Variants in MOSMO observed in about 807,000 individuals in gnomAD.
The protein encoded by MOSMO is modulator of smoothened protein.
MOSMO carries 5 observed loss-of-function variants against 18.4 expected under a neutral mutation model. The ratio of observed to expected loss-of-function variants is 0.27; its 90% CI spans 0.14 to 0.57. The LOEUF is 0.57. MOSMO is among the 20% of genes least tolerant of loss of function. The probability of loss-of-function intolerance (pLI) is 0.92; values close to 1 mark genes in which losing one functional copy is unlikely to be tolerated. For synonymous variants in MOSMO, 82 were observed against 82.3 expected (o/e 1.00, Z 0.02); for missense variants, 138 against 211.8 (o/e 0.65, Z 2.16).
chr16:22,073,321 C>T (rs1270242861), intron 1 of MOSMO, among the ~76,000 whole-genome samples: 1 of 152,126 alleles, frequency 6.6e-6, no homozygotes, highest in Non-Finnish European at 1.5e-5. Flanking sequence ...AAGAAAGTTG[C>T]TAATATAATA....
chr16:22,052,954 T>C (rs1222052347), intron 1 of MOSMO, among the ~76,000 whole-genome samples: 2 of 144,150 alleles, frequency 1.4e-5, no homozygotes, highest in Non-Finnish European at 3.0e-5. Context: ...TCATCTTCTT[T>C]TTTTTTTTTT....
intron 1 of MOSMO, among the ~76,000 whole-genome samples, 161 bp downstream of exon 1, chr16:22,008,568 T>G (rs1266539806): frequency 7.0e-6 from 1 of 143,870 alleles, no homozygotes. Context: ...AGGAAAGGGA[T>G]GGAGGAGAGG....
At chr16:22,010,152 G>A (rs1232746635) in intron 1 of MOSMO, among the ~76,000 whole-genome samples, 1 of 152,006 alleles carries the variant, frequency 6.6e-6, no homozygotes, top group Non-Finnish European at 1.5e-5. Flanking sequence ...CCCCAATCTA[G>A]ACCTAGTAAC....
chr16:22,015,358 A>T (rs1899616558), intron 1 of MOSMO, among the ~76,000 whole-genome samples: 1 of 151,972 alleles, frequency 6.6e-6, no homozygotes, highest in East Asian at 1.9e-4. Flanking sequence ...GGGACTATAG[A>T]TGCACGCTGC....
intron 1 of MOSMO, among the ~76,000 whole-genome samples, chr16:22,028,502 CT>C (rs970622552): frequency 6.6e-6 from 1 of 151,872 alleles, no homozygotes; most frequent in African/African-American, 2.4e-5. Flanking sequence ...CTGTAAAGCT[CT>C]TTTCATCTTG....
intron 2 of MOSMO, chr16:22,076,488 CA>C (rs1407086729): frequency 1.3e-5 from 2 of 152,158 alleles, no homozygotes; most frequent in East Asian, 3.8e-4. Flanking sequence ...ATACATAGGA[CA>C]GCCCCCCACA....
At chr16:22,008,926 C>T (rs1030556329) in intron 1 of MOSMO, among the ~76,000 whole-genome samples, 1 of 151,770 alleles carries the variant, frequency 6.6e-6, no homozygotes, top group Non-Finnish European at 1.5e-5. Flanking sequence ...GACCCCAGAC[C>T]CTCCACCACC....
At chr16:22,079,542 G>T (rs1013082286) in intron 2 of MOSMO, among the ~76,000 whole-genome samples, 8 of 152,112 alleles carry the variant, frequency 5.3e-5, no homozygotes, top group African/African-American at 1.9e-4. Flanking sequence ...CCCGGACATT[G>T]GGTTTTCTGA....
intron 1 of MOSMO, among the ~76,000 whole-genome samples, chr16:22,015,146 G>A (rs1899611838): frequency 1.3e-5 from 2 of 152,106 alleles, no homozygotes; most frequent in Non-Finnish European, 2.9e-5. Context: ...CTTTCTGTCT[G>A]TTGATTTGCC....
At chr16:22,016,156 A>G (rs1597994897) in intron 1 of MOSMO, among the ~76,000 whole-genome samples, 1 of 152,214 alleles carries the variant, frequency 6.6e-6, no homozygotes, top group East Asian at 1.9e-4. Context: ...ATTTGGAGTC[A>G]GGCATATCTC....
downstream of MOSMO, among the ~76,000 whole-genome samples, chr16:22,088,349 G>C (rs966643715): frequency 1.3e-5 from 2 of 152,142 alleles, no homozygotes; most frequent in Non-Finnish European, 2.9e-5. Flanking sequence ...AGATTTTTCT[G>C]TGTCAGTAAA....
intron 1 of MOSMO, among the ~76,000 whole-genome samples, chr16:22,027,743 G>T (rs1289601472): frequency 1.3e-5 from 2 of 152,160 alleles, no homozygotes; most frequent in Non-Finnish European, 2.9e-5. Context: ...TGTTTGGGAA[G>T]TGAGAAAGCA....
In MOSMO at chr16:22,081,719, CTG is replaced by C. The variant is rs537306920; in HGVS notation, c.*842_*843del. Reference sequence around the variant, plus strand: ...TTCTGAATGCTTTGCTAGCAAAACACTGTGGTGTGCAAACCTAGAACCCAATA... The same window carrying C: ...TTCTGAATGCTTTGCTAGCAAAACACTGGTGTGCAAACCTAGAACCCAATA... On this transcript the variant is annotated 3_prime_UTR_variant, in exon 3 of 3. Coordinates refer to ENST00000542527, the MANE Select transcript of MOSMO (RefSeq NM_001164579.2). 1.3e-4 allele frequency: 19 copies of C among 151,826 alleles called. No homozygotes were observed. The East Asian group carries it at 3.7e-3, about 29-fold the overall frequency. 9.4% of individuals were successfully genotyped at this position (151,826 alleles called of 1,614,324 possible). A position where few individuals can be genotyped will look rare whatever the true frequency, so the allele number is the denominator to read the frequency against.
At chr16:22,040,418 A>G (rs987247827) in intron 1 of MOSMO, among the ~76,000 whole-genome samples, 1 of 152,212 alleles carries the variant, frequency 6.6e-6, no homozygotes, top group Non-Finnish European at 1.5e-5. Context: ...AAAGTATTTT[A>G]AAAATTACAA....
chr16:22,049,133 C>T (rs1378568309), intron 1 of MOSMO, among the ~76,000 whole-genome samples: 1 of 152,094 alleles, frequency 6.6e-6, no homozygotes, highest in African/African-American at 2.4e-5. Flanking sequence ...GCTCCCCAAC[C>T]TGTGTTTCTT....
In MOSMO at chr16:22,082,954, T is replaced by C. The variant is rs969810425; in HGVS notation, c.*2074T>C. On this transcript the variant is annotated 3_prime_UTR_variant, in exon 3 of 3. Transcript: ENST00000542527. ...TCAAGTCTAAGAATACCACTGGACA[T>C]GTTCTATGGACATTTGGGATTGCAG... 2 of 152,198 alleles carry C rather than the reference T, an allele frequency of 1.3e-5. No individual in the cohort carries two copies. The highest frequency in any genetic ancestry group is 4.8e-5 in the African/African-American group (2 of 41,448). The allele number at this position is 152,198 out of a possible 1,614,324, so 9.4% of individuals were successfully genotyped here.
chr16:22,016,203 G>T (rs1899632711), intron 1 of MOSMO, among the ~76,000 whole-genome samples: 1 of 152,126 alleles, frequency 6.6e-6, no homozygotes, highest in Non-Finnish European at 1.5e-5. Context: ...TTAGCTTTAT[G>T]ATTTGGGGCA....
chr16:22,043,683 C>T (rs1900252592), intron 1 of MOSMO, among the ~76,000 whole-genome samples: 1 of 152,040 alleles, frequency 6.6e-6, no homozygotes, highest in African/African-American at 2.4e-5. Context: ...ATAGAGAAAG[C>T]TGAGTTGTTT....
intron 1 of MOSMO, among the ~76,000 whole-genome samples, chr16:22,032,153 T>C (rs1205297526): frequency 1.3e-5 from 2 of 152,246 alleles, no homozygotes; most frequent in African/African-American, 4.8e-5. Flanking sequence ...TGTATCTTCT[T>C]TGGATAAAAG....
Sources: gnomAD v4.1 joint callset for allele counts (sites outside exome capture counted in the v4.1 genomes callset) on GRCh38, gnomAD v4.1.1 for gene constraint, MANE v1.5 for transcripts, NCBI Gene and HGNC (gene_info 2026-07-23, HGNC 2026-07-21) for gene names.